The following MAPT variants were observed in gnomAD, a reference collection of about 807,000 sequenced individuals.
The protein encoded by MAPT is microtubule-associated protein tau.
MAPT carries 34 observed loss-of-function variants against 67.9 expected under a neutral mutation model. The observed-to-expected ratio is 0.50, with a 90% CI of 0.38 to 0.67. The LOEUF is 0.67. MAPT is among the 30% of genes least tolerant of loss of function. MAPT has a pLI of 0.00. For synonymous variants in MAPT, 456 were observed against 464.5 expected (o/e 0.98, Z 0.23); for missense variants, 881 against 1,115.2 (o/e 0.79, Z 2.99).
Position 45,928,111 on chromosome 17 carries a change from C to G in MAPT, c.-18+33425C>G, listed in dbSNP as rs371331936. Among the ~76,000 whole-genome samples, 706 of 150,846 alleles carry G rather than the reference C, an allele frequency of 4.7e-3. 66 individuals are homozygous for G. The South Asian group carries it at 0.14, about 31-fold the overall frequency. ...CAGCCAGGACTCAGCCCCGATCTTTCTACTCTAACCAGTTGTCTCAGTTAA... is the reference window on the plus strand; with the variant it reads ...CAGCCAGGACTCAGCCCCGATCTTTGTACTCTAACCAGTTGTCTCAGTTAA... On this transcript the variant is annotated intron_variant, in intron 1 of 12. Coordinates refer to ENST00000262410, the MANE Select transcript of MAPT (RefSeq NM_001377265.1).
chr17:46,016,791 G>A (rs915902597), intron 11 of MAPT, among the ~76,000 whole-genome samples: 7 of 152,102 alleles, frequency 4.6e-5, no homozygotes, highest in Admixed American at 2.6e-4. Flanking sequence ...AAGAAAGAAA[G>A]AAATCAGTGC....
At chr17:45,991,421 C>T (rs2074042598) in intron 7 of MAPT, 39 bp from the exon 8 acceptor site, 2 of 1,613,474 alleles carry the variant, frequency 1.2e-6, no homozygotes, top group East Asian at 2.2e-5. Flanking sequence ...GTAACTTTTC[C>T]CAATGGTGAA....
chr17:45,956,188 C>G (rs1337530248), intron 1 of MAPT, among the ~76,000 whole-genome samples: 1 of 152,202 alleles, frequency 6.6e-6, no homozygotes, highest in Admixed American at 6.5e-5. Flanking sequence ...TGTCTCTGTG[C>G]AAAGGAATGA....
At chr17:46,009,515 G>A (rs1032096599) in intron 9 of MAPT, among the ~76,000 whole-genome samples, 1 of 115,640 alleles carries the variant, frequency 8.6e-6, no homozygotes, top group Non-Finnish European at 2.3e-5. Flanking sequence ...AAAGCCCCAC[G>A]GGAGCATTTG....
intron 1 of MAPT, among the ~76,000 whole-genome samples, chr17:45,899,647 C>G (rs1004859227): frequency 6.6e-6 from 1 of 152,098 alleles, no homozygotes; most frequent in African/African-American, 2.4e-5. Flanking sequence ...TAACATTGAC[C>G]CAGTAGAATA....
At chr17:45,923,410 A>G (rs1022858143) in intron 1 of MAPT, among the ~76,000 whole-genome samples, 2 of 152,174 alleles carry the variant, frequency 1.3e-5, no homozygotes, top group Non-Finnish European at 2.9e-5. Context: ...CAAGGGCATG[A>G]GACAACCCCC....
chr17:46,021,011 C>T (rs1336440376), intron 12 of MAPT, among the ~76,000 whole-genome samples: 1 of 152,228 alleles, frequency 6.6e-6, no homozygotes, highest in Non-Finnish European at 1.5e-5. Flanking sequence ...AGACCCCTGC[C>T]CTGGCCAGTC....
In MAPT at chr17:45,943,028, C is replaced by T. The variant is rs142115029; in HGVS notation, c.-17-19293C>T. Among the ~76,000 whole-genome samples, 297 of 152,278 alleles carry T rather than the reference C, an allele frequency of 2.0e-3. 1 individual carries two copies. The highest frequency in any genetic ancestry group is 6.8e-3 in the Middle Eastern group (2 of 294). On this transcript the variant is annotated intron_variant, in intron 1 of 12. Coordinates refer to ENST00000262410, the MANE Select transcript of MAPT (RefSeq NM_001377265.1). Reference sequence around the variant, plus strand: ...CACTTTGTCTCTGTCAGACAGAATTCGGAGATGTGTATGCTTGCCCTGGTA... The same window carrying T: ...CACTTTGTCTCTGTCAGACAGAATTTGGAGATGTGTATGCTTGCCCTGGTA...
intron 1 of MAPT, among the ~76,000 whole-genome samples, chr17:45,950,821 C>T (rs1448770978): frequency 6.6e-6 from 1 of 152,002 alleles, no homozygotes; most frequent in Non-Finnish European, 1.5e-5. Context: ...TGCCACTATG[C>T]CCAGCTAATT....
chr17:45,974,334 C>G, intron 3 of MAPT: 1 of 1,323,486 alleles, frequency 7.6e-7, no homozygotes, highest in Non-Finnish European at 1.1e-6. Flanking sequence ...AGGTGAGGGG[C>G]TGGGTATGGC....
rs768396906 is a variant in MAPT at position 45,996,451 on chromosome 17, A to C, written c.1785A>C (p.Pro595=). ...GCGGCTACAGCAGCCCCGGCTCCCC[A>C]GGCACTCCCGGCAGCCGCTCCCGCA... ...DRSGYSSPGS[P]GTPGSRSRTP... The change falls in exon 9 of 13, where the codon CCA becomes CCC. Residue 595 remains proline, a synonymous_variant. Transcript: ENST00000262410. The surrounding 1 kb of genome is among the most constrained non-coding windows in gnomAD (Gnocchi z 4.5). 6.2e-7 allele frequency: 1 copy of C among 1,612,574 alleles called. No individual in the cohort carries two copies. Among genetic ancestry groups the C allele is most frequent in the Non-Finnish European group, 8.5e-7 (1 of 1,179,904 alleles).
At chr17:45,903,997 TTA>T (rs1568133759) in intron 1 of MAPT, among the ~76,000 whole-genome samples, 1 of 11,612 alleles carries the variant, frequency 8.6e-5, no homozygotes, top group African/African-American at 4.1e-4. Flanking sequence ...TTTATATATA[TTA>T]TATATTATAT....
chr17:45,964,689 A>C (rs1054113488), intron 2 of MAPT, among the ~76,000 whole-genome samples: 4 of 151,654 alleles, frequency 2.6e-5, no homozygotes, highest in African/African-American at 9.7e-5. Flanking sequence ...TCAAATAATA[A>C]TAATAATAAA....
At chr17:45,963,327 C>A (rs1351657852) in intron 2 of MAPT, among the ~76,000 whole-genome samples, 1 of 152,148 alleles carries the variant, frequency 6.6e-6, no homozygotes, top group East Asian at 1.9e-4. Context: ...GGTTGGGGAC[C>A]CCACAGAGCA....
intron 1 of MAPT, among the ~76,000 whole-genome samples, chr17:45,913,726 T>C (rs540796649): frequency 6.6e-6 from 1 of 152,306 alleles, no homozygotes; most frequent in South Asian, 2.1e-4. Flanking sequence ...CTAAAATGCT[T>C]TGGACAAGAA....
chr17:45,950,020 G>A (rs1349273983), intron 1 of MAPT, among the ~76,000 whole-genome samples: 3 of 152,132 alleles, frequency 2.0e-5, no homozygotes, highest in South Asian at 2.1e-4. Context: ...AGGTGACAAC[G>A]TAGGGAGCAG....
In MAPT at chr17:45,983,232, C is replaced by T; in HGVS notation, c.653C>T (p.Pro218Leu). ...QEGFLREPGP[P>L]GLSHQLMSGM... ...GGCTTCCTCCGAGAGCCAGGCCCCCCAGGTCTGAGCCACCAGCTCATGTCC... is the reference window on the plus strand; with the variant it reads ...GGCTTCCTCCGAGAGCCAGGCCCCCTAGGTCTGAGCCACCAGCTCATGTCC... The change falls in exon 5 of 13, where the codon CCA (proline) becomes CTA (leucine). Residue 218 changes from proline to leucine, a missense_variant. By Grantham distance (98) the Pro-to-Leu change is moderately conservative. Transcript: ENST00000262410. The T allele has an allele frequency of 6.2e-7, 1 of 1,605,260 alleles. No individual in the cohort carries two copies. The highest frequency in any genetic ancestry group is 1.1e-5 in the South Asian group (1 of 89,484).
intron 3 of MAPT, chr17:45,974,576 G>A: frequency 6.7e-6 from 6 of 899,566 alleles, no homozygotes; most frequent in Non-Finnish European, 1.1e-5. Context: ...CCTCCTGTGG[G>A]GCAGGAACAT....
rs151325721 is a variant in MAPT, at chr17:46,021,868, C to T, written c.2287-2088C>T. Among the ~76,000 whole-genome samples, 660 of 152,210 alleles carry T rather than the reference C, an allele frequency of 4.3e-3. 5 individuals carry two copies. Among genetic ancestry groups the T allele is most frequent in the Non-Finnish European group, 6.9e-3 (469 of 67,996 alleles). On this transcript the variant is annotated intron_variant, in intron 12 of 12. Transcript: ENST00000262410. Reference sequence around the variant, plus strand: ...ACACCATCCTGGTCCTGGGGATCCCCGCAGCATTAGTCCCCTGTTTTCCCA... The same window carrying T: ...ACACCATCCTGGTCCTGGGGATCCCTGCAGCATTAGTCCCCTGTTTTCCCA...
Sources: allele counts gnomAD v4.1 joint callset (sites outside exome capture counted in the v4.1 genomes callset), GRCh38; gene constraint gnomAD v4.1.1; non-coding constraint Gnocchi (gnomAD v3.1); transcripts MANE v1.5; gene names NCBI Gene and HGNC (gene_info 2026-07-23, HGNC 2026-07-21).